The following PRKCH variants were observed in gnomAD, a reference collection of about 807,000 sequenced individuals.
PRKCH encodes protein kinase C eta type.
A neutral mutation model predicts 82.5 loss-of-function variants in PRKCH; 28 were observed. The ratio of observed to expected loss-of-function variants is 0.34; its 90% CI spans 0.25 to 0.47. The LOEUF is 0.47. PRKCH is among the 20% of genes least tolerant of loss of function. The probability of loss-of-function intolerance (pLI) is 1.00; values close to 1 mark genes in which losing one functional copy is unlikely to be tolerated. For missense variants in PRKCH, 705 were observed against 881.8 expected, an observed-to-expected ratio of 0.80 and a Z score of 2.54; for synonymous variants, 322 against 327.4, an observed-to-expected ratio of 0.98 and a Z score of 0.18.
At chr14:61,192,186 T>C (rs149185986) in intron 1 of PRKCH, among the ~76,000 whole-genome samples, 94 of 152,328 alleles carry the variant, frequency 6.2e-4, no homozygotes, top group African/African-American at 2.2e-3. Flanking sequence ...TTTAAAAAGA[T>C]TATTTCTATT....
At position 61,203,484 on chromosome 14, in the gene PRKCH, G is replaced by C. The variant is rs2044498703; in HGVS notation, c.-19+15816G>C. Among the ~76,000 whole-genome samples, 3 of 152,124 alleles carry C rather than the reference G, an allele frequency of 2.0e-5. No individual in the cohort carries two copies. In the South Asian group the frequency reaches 6.2e-4, roughly 32 times the overall value. On this transcript the variant is annotated intron_variant, in intron 1 of 3. Transcript: ENST00000555185. ...ACTCAAATGACAGGACTGAAGATTT[G>C]TGAGGATTTGTGAGGCACTCAAAAA...
chr14:61,451,928 A>C (rs1317845183), intron 6 of PRKCH, among the ~76,000 whole-genome samples: 1 of 152,206 alleles, frequency 6.6e-6, no homozygotes, highest in African/African-American at 2.4e-5. Flanking sequence ...TTTTTTTCTC[A>C]TAAAACCAAA....
intron 1 of PRKCH, among the ~76,000 whole-genome samples, chr14:61,217,222 T>C (rs1434096247): frequency 6.6e-6 from 1 of 152,012 alleles, no homozygotes; most frequent in East Asian, 1.9e-4. Flanking sequence ...GTCTCTCCCA[T>C]CTCTAAAAAA....
intron 10 of PRKCH, among the ~76,000 whole-genome samples, chr14:61,493,998 G>A (rs1190318946): frequency 6.6e-6 from 1 of 152,140 alleles, no homozygotes; most frequent in African/African-American, 2.4e-5. Context: ...CATTAGCTAG[G>A]AGAGATCATG....
chr14:61,351,992 T>G (rs1424589101), intron 1 of PRKCH, among the ~76,000 whole-genome samples: 1 of 152,120 alleles, frequency 6.6e-6, no homozygotes, highest in Non-Finnish European at 1.5e-5. Context: ...GCTTTCACGT[T>G]TTTCACGGTC....
chr14:61,442,765 C>T (rs552056256), intron 2 of PRKCH: 1 of 158,650 alleles, frequency 6.3e-6, no homozygotes, highest in East Asian at 1.8e-4. Context: ...ACCTCCATCT[C>T]TATTAAAAAA....
chr14:61,193,506 TGATTATC>T (rs2044421067), intron 1 of PRKCH, among the ~76,000 whole-genome samples: 1 of 152,022 alleles, frequency 6.6e-6, no homozygotes, highest in African/African-American at 2.4e-5. Flanking sequence ...ATGTAAAGAG[TGATTATC>T]TGTTGTTTTA....
At chr14:61,189,502 A>ATC (rs34112120) in intron 1 of PRKCH, among the ~76,000 whole-genome samples, 39,618 of 146,954 alleles carry the variant, frequency 0.27, 5,517 homozygotes, top group East Asian at 0.4. Context: ...CTGAAATGTT[A>ATC]TCTCTCTCTC....
chr14:61,495,226 C>G (rs1410694071), intron 10 of PRKCH, among the ~76,000 whole-genome samples: 3 of 152,198 alleles, frequency 2.0e-5, no homozygotes, highest in Non-Finnish European at 4.4e-5. Flanking sequence ...CATTTAAGTC[C>G]TGGGACACCT....
chr14:61,213,189 G>C (rs556793557), intron 1 of PRKCH, among the ~76,000 whole-genome samples: 199 of 152,266 alleles, frequency 1.3e-3, no homozygotes, highest in African/African-American at 4.5e-3. Flanking sequence ...GTGCGTGTTT[G>C]TCTGCCCTTC....
intron 1 of PRKCH, among the ~76,000 whole-genome samples, chr14:61,338,114 C>T (rs1252534518): frequency 6.6e-6 from 1 of 152,112 alleles, no homozygotes; most frequent in Non-Finnish European, 1.5e-5. Context: ...GGGTGTCTGC[C>T]CTCACCTTGG....
intron 1 of PRKCH, among the ~76,000 whole-genome samples, chr14:61,337,140 ATTTTTTTTTTT>A (rs56865144): frequency 1.0e-5 from 1 of 100,340 alleles, no homozygotes; most frequent in African/African-American, 3.8e-5. Context: ...GACACCAACA[ATTTTTTTTTTT>A]TTTTTTTTTT....
chr14:61,375,841 C>G (rs191559287), intron 1 of PRKCH, among the ~76,000 whole-genome samples: 1 of 151,974 alleles, frequency 6.6e-6, no homozygotes, highest in Non-Finnish European at 1.5e-5. Context: ...GAGAATGAGA[C>G]AGGTGAATAT....
intron 4 of PRKCH, among the ~76,000 whole-genome samples, chr14:61,446,826 G>C (rs966832050): frequency 6.6e-6 from 1 of 152,212 alleles, no homozygotes; most frequent in Non-Finnish European, 1.5e-5. Context: ...GATAAGTTGA[G>C]AAGCTCTGGA....
intron 1 of PRKCH, among the ~76,000 whole-genome samples, chr14:61,308,935 A>G (rs1291375048): frequency 6.6e-6 from 1 of 151,912 alleles, no homozygotes; most frequent in Non-Finnish European, 1.5e-5. Context: ...AGCCTCCTGC[A>G]TATTTAGAAT....
At chr14:61,381,468 A>G (rs984464053) in intron 1 of PRKCH, among the ~76,000 whole-genome samples, 1 of 152,266 alleles carries the variant, frequency 6.6e-6, no homozygotes, top group African/African-American at 2.4e-5. Context: ...TAGAGATGAA[A>G]GTAGAAAATT....
rs1491304992 is a variant in PRKCH at position 61,529,005 on chromosome 14, T to TGTGTGTGTGTGTGTGTGTGTGTGC, written c.1434-69_1434-68insTGTGTGTGTGTGTGTGTGTGTGCG. The TGTGTGTGTGTGTGTGTGTGTGTGC allele has an allele frequency of 4.0e-4, 590 of 1,460,630 alleles. 6 individuals are homozygous for TGTGTGTGTGTGTGTGTGTGTGTGC. The African/African-American group carries it at 8.1e-3, about 20-fold the overall frequency. The allele number at this position is 1,460,630 out of a possible 1,614,324, so 90.5% of individuals were successfully genotyped here. A position where few individuals can be genotyped will look rare whatever the true frequency, so the allele number is the denominator to read the frequency against. Reference sequence around the variant, plus strand: ...GTGTGTGTGTGTGTGTGTGTGTGTGTGCCCATTCTGAGAGGTGGATGGTTT... The same window carrying TGTGTGTGTGTGTGTGTGTGTGTGC: ...GTGTGTGTGTGTGTGTGTGTGTGTGTGTGTGTGTGTGTGTGTGTGTGTGCGCCCATTCTGAGAGGTGGATGGTTT... On this transcript the variant is annotated intron_variant, in intron 10 of 13. Coordinates refer to ENST00000332981, the MANE Select transcript of PRKCH (RefSeq NM_006255.5).
chr14:61,546,487 G>T (rs578214892), intron 12 of PRKCH, among the ~76,000 whole-genome samples: 1 of 152,316 alleles, frequency 6.6e-6, no homozygotes, highest in Admixed American at 6.5e-5. Context: ...ATCCCGTCAG[G>T]TTGCTTAGGA....
chr14:61,279,704 C>T (rs1433942721), intron 1 of PRKCH: 1 of 193,674 alleles, frequency 5.2e-6, no homozygotes, highest in African/African-American at 2.4e-5. Flanking sequence ...ACTCAAGATT[C>T]AGGAGTCACT....
Sources: gnomAD v4.1 joint callset for allele counts (sites outside exome capture counted in the v4.1 genomes callset) on GRCh38, gnomAD v4.1.1 for gene constraint, MANE v1.5 for transcripts, NCBI Gene and HGNC (gene_info 2026-07-23, HGNC 2026-07-21) for gene names.